CLOCK: variants seen among roughly 807,000 people sequenced by gnomAD.
CLOCK encodes circadian locomoter output cycles protein kaput.
CLOCK carries 43 observed loss-of-function variants against 118.4 expected under a neutral mutation model. The ratio of observed to expected loss-of-function variants is 0.36; its 90% CI spans 0.28 to 0.47. The LOEUF is 0.47. Among genes scored for constraint, CLOCK ranks in the 20% least tolerant of loss-of-function variants. The pLI is 1.00. For missense variants in CLOCK, 846 were observed against 999.9 expected, an observed-to-expected ratio of 0.85 and a Z score of 2.08; for synonymous variants, 326 against 339.2, an observed-to-expected ratio of 0.96 and a Z score of 0.43.
At chr4:55,440,999 A>C (rs1219598409) in intron 21 of CLOCK, among the ~76,000 whole-genome samples, 1 of 152,122 alleles carries the variant, frequency 6.6e-6, no homozygotes, top group Non-Finnish European at 1.5e-5. Context: ...AACACAACAA[A>C]AAACTGCTCA....
intron 8 of CLOCK, among the ~76,000 whole-genome samples, chr4:55,464,760 G>A (rs531063800): frequency 8.1e-4 from 124 of 152,330 alleles, no homozygotes; most frequent in African/African-American, 2.8e-3. Context: ...AACAAACAGA[G>A]GCAGTAAGAA....
intron 13 of CLOCK, 65 bp downstream of exon 13, chr4:55,455,819 CTTACTACCTATCA>C: frequency 1.0e-6 from 1 of 999,258 alleles, no homozygotes; most frequent in Non-Finnish European, 1.6e-6. Flanking sequence ...AAATCTGTGT[CTTACTACCTATCA>C]TTTCAGGACA....
rs1266171185 is a variant in CLOCK at position 55,434,140 on chromosome 4, TCAAAACTG to T, written c.*1267_*1274del. The T allele has an allele frequency of 1.3e-5, 2 of 152,622 alleles. No homozygotes were observed. The highest frequency in any genetic ancestry group is 2.9e-5 in the Non-Finnish European group (2 of 68,034). 9.5% of individuals were successfully genotyped at this position (152,622 alleles called of 1,614,324 possible). A position where few individuals can be genotyped will look rare whatever the true frequency, so the allele number is the denominator to read the frequency against. On this transcript the variant is annotated 3_prime_UTR_variant, in exon 23 of 23. Coordinates refer to ENST00000513440, the MANE Select transcript of CLOCK (RefSeq NM_004898.4). ...ATGCTGTTAAAAAGGTACTAAGGTTTCAAAACTGCTACGGAAACCGGACAATGACTTCA... is the reference window on the plus strand; with the variant it reads ...ATGCTGTTAAAAAGGTACTAAGGTTTCTACGGAAACCGGACAATGACTTCA...
intron 1 of CLOCK, among the ~76,000 whole-genome samples, chr4:55,540,121 C>T (rs373133915): frequency 1.3e-5 from 2 of 151,606 alleles, no homozygotes; most frequent in South Asian, 2.1e-4. Context: ...AATTCTCCTG[C>T]CTTAGCCTCC....
intron 1 of CLOCK, chr4:55,546,080 T>C (rs1364002588): frequency 6.6e-6 from 1 of 152,308 alleles, no homozygotes; most frequent in Non-Finnish European, 1.5e-5. Flanking sequence ...CCGGAGGAGC[T>C]GGCCGCCCCG....
chr4:55,443,740 C>T lies in CLOCK; in HGVS notation c.1849G>A (p.Gly617Ser), dbSNP rs1215403435. 2 of 1,613,940 alleles carry T rather than the reference C, an allele frequency of 1.2e-6. No homozygotes were observed. Among genetic ancestry groups the T allele is most frequent in the African/African-American group, 2.7e-5 (2 of 74,898 alleles). The change falls in exon 20 of 23, where the codon GGC becomes AGC. Residue 617 changes from glycine (G) to serine (S), a missense_variant. Gly to Ser is a moderately conservative substitution (Grantham distance 56). Transcript: ENST00000513440. ...IQSGMNTGHI[G>S]TTQHMIQQQT... ...TGTTGTATCATGTGCTGAGTTGTGC[C>T]AATGTGTCCAGTATTCATTCCACTT... is the stretch of plus-strand genomic sequence containing the variant.
chr4:55,443,711 CTGT>C lies in CLOCK; in HGVS notation c.1875_1877del (p.Gln626del), dbSNP rs746338839. The stretch of plus-strand genomic sequence containing the variant: ...CCTGAGTTGATGTACTCTGTAAAGT[CTGT>C]TGTTGTATCATGTGCTGAGTTGTGC... On this transcript the variant is annotated inframe_deletion, in exon 20 of 23. Coordinates refer to ENST00000513440, the MANE Select transcript of CLOCK (RefSeq NM_004898.4). 3.9e-5 allele frequency: 63 copies of C among 1,614,084 alleles called. No homozygotes were observed. The highest frequency in any genetic ancestry group is 1.2e-4 in the African/African-American group (9 of 75,042).
At chr4:55,539,298 G>A (rs149517914) in intron 1 of CLOCK, among the ~76,000 whole-genome samples, 1,790 of 150,828 alleles carry the variant, frequency 0.012, 17 homozygotes, top group Non-Finnish European at 0.018. Flanking sequence ...TGAAACTGCC[G>A]TGCATGGTGG....
intron 2 of CLOCK, among the ~76,000 whole-genome samples, chr4:55,490,497 T>C (rs539009620): frequency 8.5e-5 from 13 of 152,200 alleles, no homozygotes; most frequent in Admixed American, 6.5e-4. Flanking sequence ...ATTTAAACAG[T>C]GTATCAGTAC....
intron 15 of CLOCK, chr4:55,452,353 C>T (rs1401086613): frequency 6.6e-6 from 1 of 152,230 alleles, no homozygotes; most frequent in African/African-American, 2.4e-5. Context: ...GTCCAACTGC[C>T]CATGAGGAAC....
chr4:55,473,218 G>A (rs1331965639), intron 7 of CLOCK, among the ~76,000 whole-genome samples: 3 of 150,002 alleles, frequency 2.0e-5, no homozygotes, highest in East Asian at 3.9e-4. Context: ...GCAAGACTCC[G>A]TCTCCCAAAA....
Position 55,463,736 on chromosome 4 carries a change from G to C in CLOCK, c.508C>G (p.Leu170Val). The C allele has an allele frequency of 3.1e-6, 5 of 1,612,158 alleles. No individual in the cohort carries two copies. Among genetic ancestry groups the C allele is most frequent in the Non-Finnish European group, 3.4e-6 (4 of 1,178,558 alleles). The change falls in exon 9 of 23, where the codon CTC becomes GTC. Residue 170 changes from leucine (L) to valine (V), a missense_variant. Physicochemically the swap from Leu to Val is conservative, Grantham distance 32. This residue lies in a region of CLOCK where 246 missense variants were observed against 300.2 expected (regional missense o/e 0.82). Transcript: ENST00000513440. ...TCACTTTCCAGCAGATGAGTAGAGA[G>C]TATTTTATAAACCTCTGAATGTTCC... ...EGEHSEVYKI[L>V]STHLLESDSL... is the part of the protein sequence containing the mutation.
intron 22 of CLOCK, among the ~76,000 whole-genome samples, chr4:55,437,739 A>C (rs1204999005): frequency 1.3e-5 from 2 of 152,206 alleles, no homozygotes; most frequent in Non-Finnish European, 2.9e-5. Context: ...GCAGTGACTC[A>C]ACCCCAAGGC....
At chr4:55,524,588 C>A (rs1414499332) in intron 1 of CLOCK, among the ~76,000 whole-genome samples, 1 of 152,104 alleles carries the variant, frequency 6.6e-6, no homozygotes, top group Non-Finnish European at 1.5e-5. Flanking sequence ...TTGCTTAATT[C>A]ATTTGACCTA....
At chr4:55,510,349 G>T (rs562599915) in intron 1 of CLOCK, among the ~76,000 whole-genome samples, 70 of 152,212 alleles carry the variant, frequency 4.6e-4, no homozygotes, top group African/African-American at 1.6e-3. Flanking sequence ...CTCCTGGGAC[G>T]GGTGCGGTGG....
At chr4:55,476,565 A>T (rs1263772368) in intron 6 of CLOCK, among the ~76,000 whole-genome samples, 2 of 152,172 alleles carry the variant, frequency 1.3e-5, no homozygotes, top group Non-Finnish European at 2.9e-5. Flanking sequence ...TATCTTAATT[A>T]ATCAAAGAGA....
intron 2 of CLOCK, among the ~76,000 whole-genome samples, chr4:55,497,705 A>T (rs563349498): frequency 2.4e-4 from 37 of 152,298 alleles, no homozygotes; most frequent in African/African-American, 8.2e-4. Context: ...ACTGTAACTA[A>T]AGTCTAACTT....
At chr4:55,448,952 G>T (rs778299046) in intron 17 of CLOCK, 84 bp from the exon 18 acceptor site, 2 of 1,065,796 alleles carry the variant, frequency 1.9e-6, no homozygotes, top group African/African-American at 1.6e-5. Flanking sequence ...TATGATATTC[G>T]TATTAATAAA....
At chr4:55,494,631 TG>T (rs1365076119) in intron 2 of CLOCK, among the ~76,000 whole-genome samples, 1 of 152,084 alleles carries the variant, frequency 6.6e-6, no homozygotes, top group African/African-American at 2.4e-5. Context: ...GCTCAGGTGA[TG>T]GGTGCACCAA....
Sources: allele counts gnomAD v4.1 joint callset (sites outside exome capture counted in the v4.1 genomes callset), GRCh38; gene constraint gnomAD v4.1.1; regional missense constraint gnomAD v4.1.1; transcripts MANE v1.5; gene names NCBI Gene and HGNC (gene_info 2026-07-23, HGNC 2026-07-21).